Variants in LIPA observed in about 807,000 individuals in gnomAD.
LIPA encodes lipase A, lysosomal acid type, also known as lysosomal acid lipase/cholesteryl ester hydrolase.
In LIPA, 26 loss-of-function variants were observed where a neutral mutation model predicts 40.6. The ratio of observed to expected loss-of-function variants is 0.64; its 90% CI spans 0.47 to 0.89. LIPA has a LOEUF of 0.89. Among genes scored for constraint, LIPA ranks in the 40% least tolerant of loss-of-function variants. The pLI, the probability that LIPA is intolerant of heterozygous loss-of-function variation, is 0.00. For missense variants in LIPA, 455 were observed against 479.6 expected (o/e 0.95, Z 0.48); for synonymous variants, 188 against 168.4 (o/e 1.12, Z -0.90).
intron 5 of LIPA, 61 bp from the exon 6 acceptor site, chr10:89,225,289 C>A: frequency 1.2e-6 from 2 of 1,606,820 alleles, no homozygotes; most frequent in Non-Finnish European, 1.7e-6. Context: ...TCTCAGAAAA[C>A]ACAAAGGCCG....
chr10:89,347,919 A>G (rs2133584528), intron 2 of LIPA, among the ~76,000 whole-genome samples: 1 of 152,346 alleles, frequency 6.6e-6, no homozygotes, highest in South Asian at 2.1e-4. Context: ...TGCCTTAGGC[A>G]GTACAGGTTT....
At chr10:89,391,802 A>G (rs1033598243) in intron 2 of LIPA, among the ~76,000 whole-genome samples, 1 of 152,226 alleles carries the variant, frequency 6.6e-6, no homozygotes, top group Non-Finnish European at 1.5e-5. Flanking sequence ...TGCTGGGACT[A>G]CAGGCATGAG....
chr10:89,326,148 T>A (rs555326670), intron 1 of LIPA, among the ~76,000 whole-genome samples: 1 of 152,222 alleles, frequency 6.6e-6, no homozygotes, highest in Non-Finnish European at 1.5e-5. Context: ...CCATGTTTAT[T>A]GCAGCACTAT....
chr10:89,289,457 T>C (rs1843359462), intron 1 of LIPA, among the ~76,000 whole-genome samples: 1 of 152,184 alleles, frequency 6.6e-6, no homozygotes, highest in Non-Finnish European at 1.5e-5. Flanking sequence ...TTGACTTTAC[T>C]CACATGCTTC....
chr10:89,330,367 A>T (rs950067786), intron 1 of LIPA, among the ~76,000 whole-genome samples: 10 of 152,216 alleles, frequency 6.6e-5, no homozygotes, highest in Non-Finnish European at 1.3e-4. Context: ...TCATTAATGG[A>T]GGCACCAAAC....
chr10:89,255,301 C>T (rs750386117), upstream of LIPA, among the ~76,000 whole-genome samples: 16 of 152,312 alleles, frequency 1.1e-4, no homozygotes, highest in East Asian at 1.9e-3. Flanking sequence ...TCTTACATGG[C>T]AGCAGACATG....
chr10:89,383,115 T>C (rs1296934563), intron 2 of LIPA, among the ~76,000 whole-genome samples: 2 of 152,236 alleles, frequency 1.3e-5, no homozygotes, highest in Admixed American at 1.3e-4. Flanking sequence ...CTGTTGGCAC[T>C]ACAAGATGAT....
At chr10:89,304,910 C>T (rs1843468801) in intron 1 of LIPA, among the ~76,000 whole-genome samples, 1 of 151,904 alleles carries the variant, frequency 6.6e-6, no homozygotes, top group African/African-American at 2.4e-5. Context: ...AGAAAAGGAG[C>T]TAGTGGCCTT....
chr10:89,273,594 G>T (rs766991629), intron 1 of LIPA, among the ~76,000 whole-genome samples: 1 of 152,174 alleles, frequency 6.6e-6, no homozygotes, highest in Non-Finnish European at 1.5e-5. Context: ...TTGTGAATTG[G>T]GGAGCTGTGA....
intron 1 of LIPA, among the ~76,000 whole-genome samples, chr10:89,316,481 T>C (rs1843542132): frequency 1.3e-5 from 2 of 152,128 alleles, no homozygotes; most frequent in African/African-American, 4.8e-5. Flanking sequence ...GGCACAGCAG[T>C]CTGAGATGGA....
At chr10:89,251,064 C>A (rs955172248) in intron 1 of LIPA, among the ~76,000 whole-genome samples, 1 of 152,222 alleles carries the variant, frequency 6.6e-6, no homozygotes, top group African/African-American at 2.4e-5. Flanking sequence ...AAGGCCCCAA[C>A]GCAGCATGCT....
chr10:89,230,374 T>G (rs1842825351), intron 3 of LIPA, among the ~76,000 whole-genome samples: 1 of 152,208 alleles, frequency 6.6e-6, no homozygotes, highest in Non-Finnish European at 1.5e-5. Context: ...TGGCGTGATC[T>G]CTGCTCACAG....
At chr10:89,320,811 C>G in intron 1 of LIPA, among the ~76,000 whole-genome samples, 1 of 152,196 alleles carries the variant, frequency 6.6e-6, no homozygotes, top group Non-Finnish European at 1.5e-5. Context: ...TACCTGACTT[C>G]AAACTATACT....
chr10:89,359,394 A>G (rs17120001), intron 2 of LIPA, among the ~76,000 whole-genome samples: 35,011 of 152,236 alleles, frequency 0.23, 4,208 homozygotes, highest in African/African-American at 0.25. Context: ...GGTGAGAGAG[A>G]TTCACTACTA....
chr10:89,364,844 A>T (rs1295935767), intron 2 of LIPA, among the ~76,000 whole-genome samples: 2 of 152,132 alleles, frequency 1.3e-5, no homozygotes, highest in African/African-American at 4.8e-5. Context: ...ATTAACCAAG[A>T]TAACAAATTT....
At chr10:89,339,206 A>G in intron 1 of LIPA, 1 of 1,614,110 alleles carries the variant, frequency 6.2e-7, no homozygotes, top group Admixed American at 1.7e-5. Flanking sequence ...TACCATCTGG[A>G]TAATCACCCA....
chr10:89,236,016 A>C (rs891726866), intron 3 of LIPA, among the ~76,000 whole-genome samples: 1 of 152,160 alleles, frequency 6.6e-6, no homozygotes, highest in African/African-American at 2.4e-5. Context: ...GGAGATTTGC[A>C]ACAATTTGAG....
intron 1 of LIPA, among the ~76,000 whole-genome samples, chr10:89,315,592 A>C (rs1843537374): frequency 6.6e-6 from 1 of 152,184 alleles, no homozygotes; most frequent in Non-Finnish European, 1.5e-5. Context: ...GAAAAGAAAA[A>C]AAAAACCTCT....
chr10:89,295,415 G>C (rs1385381743), intron 1 of LIPA, among the ~76,000 whole-genome samples: 1 of 152,144 alleles, frequency 6.6e-6, no homozygotes, highest in Admixed American at 6.5e-5. Flanking sequence ...TTTTATAGAA[G>C]TAAAAGTATT....
Sources: allele counts gnomAD v4.1 joint callset (sites outside exome capture counted in the v4.1 genomes callset), GRCh38; gene constraint gnomAD v4.1.1; transcripts MANE v1.5; gene names NCBI Gene and HGNC (gene_info 2026-07-23, HGNC 2026-07-21).